The following ZRANB3 variants were observed in gnomAD, a reference collection of about 807,000 sequenced individuals.
ZRANB3 encodes zinc finger RANBP2-type containing 3.
Under a neutral mutation model 133.8 loss-of-function variants are expected in ZRANB3, and 125 were observed. The observed-to-expected ratio is 0.93, with a 90% CI of 0.81 to 1.08. The LOEUF (loss-of-function observed/expected upper bound fraction) is 1.08, where lower values mean the gene tolerates loss of function less well. Ranked by LOEUF, ZRANB3 falls within the 50% of genes least tolerant of loss-of-function variation. The probability of loss-of-function intolerance (pLI) is 0.00; values close to 1 mark genes in which losing one functional copy is unlikely to be tolerated. For synonymous variants in ZRANB3, 387 were observed against 432.7 expected (o/e 0.89, Z 1.31); for missense variants, 1,229 against 1,275.5 (o/e 0.96, Z 0.56).
At chr2:135,492,520 A>G (rs1316533360) in intron 2 of ZRANB3, among the ~76,000 whole-genome samples, 1 of 152,202 alleles carries the variant, frequency 6.6e-6, no homozygotes, top group Non-Finnish European at 1.5e-5. Context: ...GTCTGCTCCC[A>G]GTACTATGGT....
chr2:135,432,522 C>G (rs1178812352), intron 2 of ZRANB3, among the ~76,000 whole-genome samples: 1 of 151,976 alleles, frequency 6.6e-6, no homozygotes, highest in South Asian at 2.1e-4. Flanking sequence ...AATAATAACA[C>G]AAGATGAACA....
rs1033260103 is a variant in ZRANB3 at position 135,352,347 on chromosome 2, T to A, written c.359+1103A>T. 3.3e-5 allele frequency among the ~76,000 whole-genome samples: 5 copies of A among 150,508 alleles called. No homozygotes were observed. In the East Asian group the frequency reaches 5.8e-4, roughly 17 times the overall value. On this transcript the variant is annotated intron_variant, in intron 4 of 20. Coordinates refer to ENST00000264159, the MANE Select transcript of ZRANB3 (RefSeq NM_032143.4). ...ACTCCGTCTCCAAAAAAAAAAAAAA[T>A]TAATTAATTAAATTAAATAAATAAG... is the stretch of plus-strand genomic sequence containing the variant.
intron 3 of ZRANB3, among the ~76,000 whole-genome samples, chr2:135,362,544 G>C (rs1387024396): frequency 2.0e-5 from 3 of 152,260 alleles, no homozygotes; most frequent in Non-Finnish European, 4.4e-5. Flanking sequence ...CTTAAGTAGA[G>C]TTGTAGTCCA....
intron 8 of ZRANB3, among the ~76,000 whole-genome samples, chr2:135,313,041 A>AG (rs750071849): frequency 4.0e-5 from 6 of 151,134 alleles, no homozygotes; most frequent in Non-Finnish European, 8.8e-5. Flanking sequence ...AAAACAGAAA[A>AG]GAAAAAAATG....
At chr2:135,518,393 C>T (rs933451539) in intron 1 of ZRANB3, among the ~76,000 whole-genome samples, 21 of 152,104 alleles carry the variant, frequency 1.4e-4, no homozygotes, top group Non-Finnish European at 2.6e-4. Flanking sequence ...GGTGTAGGTA[C>T]CCTAGGGAAT....
intron 17 of ZRANB3, among the ~76,000 whole-genome samples, chr2:135,215,897 T>C (rs1694286079): frequency 6.6e-6 from 1 of 152,136 alleles, no homozygotes; most frequent in Non-Finnish European, 1.5e-5. Context: ...AGATACCCCC[T>C]AGTCACATCC....
At chr2:135,503,590 G>A (rs926684627) in intron 2 of ZRANB3, among the ~76,000 whole-genome samples, 4 of 152,120 alleles carry the variant, frequency 2.6e-5, no homozygotes, top group African/African-American at 9.7e-5. Flanking sequence ...AAAAAGTAAA[G>A]AAATACAGAC....
chr2:135,329,338 T>C (rs1198233637), intron 6 of ZRANB3, among the ~76,000 whole-genome samples: 2 of 152,188 alleles, frequency 1.3e-5, no homozygotes, highest in African/African-American at 4.8e-5. Context: ...ATATTTGTTT[T>C]TGTTGGGTTT....
chr2:135,331,395 G>A (rs1220301782), intron 6 of ZRANB3, among the ~76,000 whole-genome samples: 1 of 152,182 alleles, frequency 6.6e-6, no homozygotes, highest in Admixed American at 6.5e-5. Context: ...TTAATCTTGA[G>A]TTCTAATTTG....
chr2:135,219,227 T>C, intron 15 of ZRANB3, 49 bp from the exon 16 acceptor site: 1 of 1,151,610 alleles, frequency 8.7e-7, no homozygotes, highest in South Asian at 1.6e-5. Flanking sequence ...GTATAGGCAC[T>C]AGTAACTATT....
intron 3 of ZRANB3, chr2:135,355,264 A>C: frequency 1.0e-6 from 1 of 985,390 alleles, no homozygotes; most frequent in Non-Finnish European, 1.2e-6. Context: ...CCGTGTCTTC[A>C]AAGCCCTCCA....
intron 12 of ZRANB3, among the ~76,000 whole-genome samples, chr2:135,240,331 A>G (rs1417027060): frequency 6.6e-6 from 1 of 152,228 alleles, no homozygotes; most frequent in Non-Finnish European, 1.5e-5. Context: ...AAATGGTAAC[A>G]AAGAAACAAA....
intron 2 of ZRANB3, among the ~76,000 whole-genome samples, chr2:135,462,702 C>A (rs972020025): frequency 3.3e-5 from 5 of 151,926 alleles, no homozygotes; most frequent in African/African-American, 1.2e-4. Context: ...AAGAGATTCT[C>A]CTGCCTCAGC....
At position 135,226,405 on chromosome 2, in the gene ZRANB3, G is replaced by C. The variant is rs1694762968; in HGVS notation, c.2158+1407C>G. 2.6e-5 allele frequency among the ~76,000 whole-genome samples: 4 copies of C among 152,074 alleles called. No homozygotes were observed. The South Asian group carries it at 8.3e-4, about 32-fold the overall frequency. ...ACATAGTGTGCCTACTTTGTTTTCT[G>C]TTTGTTTTTCATGGAAATCCATGTT... On this transcript the variant is annotated intron_variant, in intron 14 of 20. Transcript: ENST00000264159.
intron 3 of ZRANB3, among the ~76,000 whole-genome samples, chr2:135,358,632 T>C (rs563253220): frequency 2.4e-4 from 36 of 152,274 alleles, no homozygotes; most frequent in Middle Eastern, 6.8e-3. Context: ...TTAAGAAATA[T>C]GAAGTCATTT....
At chr2:135,330,418 G>A (rs570618401) in intron 6 of ZRANB3, among the ~76,000 whole-genome samples, 3 of 152,182 alleles carry the variant, frequency 2.0e-5, no homozygotes, top group Non-Finnish European at 4.4e-5. Context: ...CTTGATCGTG[G>A]TGGATAAGCT....
chr2:135,278,539 A>C (rs1245648294), intron 8 of ZRANB3, among the ~76,000 whole-genome samples: 1 of 152,142 alleles, frequency 6.6e-6, no homozygotes, highest in African/African-American at 2.4e-5. Flanking sequence ...AGCAGGCCTA[A>C]AGAGTAACAG....
intron 1 of ZRANB3, among the ~76,000 whole-genome samples, chr2:135,525,720 T>A (rs1283224097): frequency 1.3e-5 from 2 of 151,846 alleles, no homozygotes; most frequent in African/African-American, 4.8e-5. Context: ...TGGTGGTGCG[T>A]GCCTGTAATC....
chr2:135,237,182 ATG>A (rs1467442046), intron 12 of ZRANB3, among the ~76,000 whole-genome samples: 246 of 152,156 alleles, frequency 1.6e-3, no homozygotes, highest in African/African-American at 5.7e-3. Context: ...CAAAAGACAC[ATG>A]AAAAAATGCT....
Sources: allele counts gnomAD v4.1 joint callset (sites outside exome capture counted in the v4.1 genomes callset), GRCh38; gene constraint gnomAD v4.1.1; transcripts MANE v1.5; gene names NCBI Gene and HGNC (gene_info 2026-07-23, HGNC 2026-07-21).